FSIP1: variants seen among roughly 807,000 people sequenced by gnomAD.
The protein encoded by FSIP1 is fibrous sheath interacting protein 1, also known as fibrous sheath-interacting protein 1.
A neutral mutation model predicts 60.9 loss-of-function variants in FSIP1; 65 were observed. That is an observed-to-expected ratio of 1.07 (90% CI 0.87 to 1.31). The LOEUF is 1.31. FSIP1 is among the 40% of genes most tolerant of loss of function. FSIP1 has a pLI of 0.00. For synonymous variants in FSIP1, 209 were observed against 221.2 expected, an observed-to-expected ratio of 0.94 and a Z score of 0.49; for missense variants, 675 against 665.5, an observed-to-expected ratio of 1.01 and a Z score of -0.16.
intron 3 of FSIP1, among the ~76,000 whole-genome samples, chr15:39,768,058 C>T (rs770519010): frequency 1.3e-5 from 2 of 152,196 alleles, no homozygotes; most frequent in Non-Finnish European, 2.9e-5. Flanking sequence ...TAAACACTCA[C>T]CCTTAGACAC....
At chr15:39,645,496 C>T (rs1218249662) in intron 10 of FSIP1, among the ~76,000 whole-genome samples, 1 of 152,210 alleles carries the variant, frequency 6.6e-6, no homozygotes, top group East Asian at 1.9e-4. Flanking sequence ...TCCAAGCCTC[C>T]CTTGTGCTCT....
chr15:39,602,518 C>T (rs1433613833), intron 11 of FSIP1, among the ~76,000 whole-genome samples: 1 of 152,036 alleles, frequency 6.6e-6, no homozygotes, highest in African/African-American at 2.4e-5. Context: ...AAGACTCAAC[C>T]TTGTAATGAA....
At chr15:39,755,763 A>G (rs1204788765) in intron 5 of FSIP1, among the ~76,000 whole-genome samples, 1 of 152,150 alleles carries the variant, frequency 6.6e-6, no homozygotes, top group Non-Finnish European at 1.5e-5. Flanking sequence ...ATTGGTTATG[A>G]TGTTGATGTT....
chr15:39,764,692 G>A (rs16969811), intron 4 of FSIP1, among the ~76,000 whole-genome samples: 13,647 of 152,198 alleles, frequency 0.09, 719 homozygotes, highest in African/African-American at 0.12. Context: ...GAAGGCCAAG[G>A]AAAGTTCATT....
chr15:39,752,119 C>T (rs1897182047), intron 5 of FSIP1, among the ~76,000 whole-genome samples: 1 of 151,830 alleles, frequency 6.6e-6, no homozygotes, highest in Non-Finnish European at 1.5e-5. Flanking sequence ...AATGAGGTTC[C>T]CATTGTCAAT....
At chr15:39,615,824 A>C (rs1173675895) in intron 11 of FSIP1, among the ~76,000 whole-genome samples, 3 of 151,790 alleles carry the variant, frequency 2.0e-5, no homozygotes, top group African/African-American at 7.3e-5. Context: ...GGGAATGGAG[A>C]GTTGTTGGCT....
At chr15:39,746,903 T>C (rs982468028) in intron 5 of FSIP1, among the ~76,000 whole-genome samples, 3 of 152,154 alleles carry the variant, frequency 2.0e-5, no homozygotes. Context: ...TTTAACAGGC[T>C]AGTTCAAAAG....
intron 9 of FSIP1, among the ~76,000 whole-genome samples, chr15:39,715,514 C>T (rs373189123): frequency 2.6e-5 from 4 of 152,132 alleles, no homozygotes; most frequent in African/African-American, 7.2e-5. Flanking sequence ...ATCAAACTAG[C>T]AATGAATTTC....
At chr15:39,729,241 T>C (rs773406496) in intron 8 of FSIP1, among the ~76,000 whole-genome samples, 1 of 152,232 alleles carries the variant, frequency 6.6e-6, no homozygotes, top group Admixed American at 6.5e-5. Context: ...TTAATGGGTA[T>C]ATACCCAAAG....
chr15:39,752,735 G>A (rs79166306), intron 5 of FSIP1, among the ~76,000 whole-genome samples: 13,612 of 152,006 alleles, frequency 0.09, 718 homozygotes, highest in African/African-American at 0.12. Flanking sequence ...TCCTGGATGG[G>A]ATTCTGGAAC....
chr15:39,772,616 T>C (rs1218258231), intron 2 of FSIP1, among the ~76,000 whole-genome samples: 1 of 128,204 alleles, frequency 7.8e-6, no homozygotes, highest in Admixed American at 7.9e-5. Flanking sequence ...TTTGAGGTGG[T>C]GTCTCACTCT....
chr15:39,780,417 C>T (rs1407039072), intron 1 of FSIP1, among the ~76,000 whole-genome samples: 1 of 152,094 alleles, frequency 6.6e-6, no homozygotes, highest in East Asian at 1.9e-4. Context: ...CCCAGCTACT[C>T]GGGAGGCTAA....
At chr15:39,778,447 T>G (rs950360178) in intron 1 of FSIP1, among the ~76,000 whole-genome samples, 1 of 152,198 alleles carries the variant, frequency 6.6e-6, no homozygotes, top group African/African-American at 2.4e-5. Context: ...ATGCAGTTCC[T>G]GAGGTAGGTG....
chr15:39,744,770 C>T (rs1269104281), intron 5 of FSIP1, among the ~76,000 whole-genome samples: 1 of 118,832 alleles, frequency 8.4e-6, no homozygotes, highest in African/African-American at 3.4e-5. Context: ...CTCTCTCTCC[C>T]CCTCAGTCAC....
At chr15:39,666,044 T>C (rs1159246423) in intron 10 of FSIP1, among the ~76,000 whole-genome samples, 1 of 152,154 alleles carries the variant, frequency 6.6e-6, no homozygotes, top group African/African-American at 2.4e-5. Context: ...TTAAATAAAA[T>C]ACGGCATCAG....
intron 10 of FSIP1, among the ~76,000 whole-genome samples, chr15:39,681,347 A>G (rs899338564): frequency 2.0e-5 from 3 of 151,994 alleles, no homozygotes; most frequent in Admixed American, 6.6e-5. Flanking sequence ...TTTATTTTCT[A>G]CATTATATGT....
chr15:39,625,029 GTGTGGGAAGCCCTTTTTA>G (rs1221149080), intron 10 of FSIP1, among the ~76,000 whole-genome samples: 1 of 152,190 alleles, frequency 6.6e-6, no homozygotes, highest in Non-Finnish European at 1.5e-5. Flanking sequence ...CGTTGTGGTG[GTGTGGGAAGCCCTTTTTA>G]TGTGGGGCCT....
intron 10 of FSIP1, among the ~76,000 whole-genome samples, chr15:39,693,434 A>T (rs1181359123): frequency 1.3e-5 from 2 of 152,204 alleles, no homozygotes; most frequent in African/African-American, 4.8e-5. Context: ...TTGTCTGCCC[A>T]CCTTATTCGC....
chr15:39,611,256 TTA>T (rs1427899861), intron 11 of FSIP1, among the ~76,000 whole-genome samples: 1 of 152,220 alleles, frequency 6.6e-6, no homozygotes, highest in Non-Finnish European at 1.5e-5. Flanking sequence ...TATTGAGATT[TTA>T]TATGTGATAA....
Sources: gnomAD v4.1 joint callset for allele counts (sites outside exome capture counted in the v4.1 genomes callset) on GRCh38, gnomAD v4.1.1 for gene constraint, MANE v1.5 for transcripts, NCBI Gene and HGNC (gene_info 2026-07-23, HGNC 2026-07-21) for gene names.